AAMP: variants seen among roughly 807,000 people sequenced by gnomAD.
AAMP encodes angio associated migratory cell protein.
AAMP carries 12 observed loss-of-function variants against 51.1 expected under a neutral mutation model. The ratio of observed to expected loss-of-function variants is 0.23; its 90% CI spans 0.15 to 0.38. AAMP has a LOEUF of 0.38. Among genes scored for constraint, AAMP ranks in the 10% least tolerant of loss-of-function variants. The pLI is 1.00. For synonymous variants in AAMP, 210 were observed against 218.7 expected, an observed-to-expected ratio of 0.96 and a Z score of 0.35; for missense variants, 418 against 557.2, an observed-to-expected ratio of 0.75 and a Z score of 2.52.
chr2:218,269,700 C>A, intron 1 of AAMP, 166 bp from the exon 2 acceptor site: 9 of 1,234,250 alleles, frequency 7.3e-6, no homozygotes, highest in Non-Finnish European at 1.0e-5. Flanking sequence ...CGGGAGGCCA[C>A]GGCTGGCCAG....
Position 218,266,795 on chromosome 2 carries a change from C to T in AAMP, c.534+52G>A, listed in dbSNP as rs1324983094. 1 of 1,607,252 alleles carries T rather than the reference C, an allele frequency of 6.2e-7. No homozygotes were observed. Among genetic ancestry groups the T allele is most frequent in the Admixed American group, 1.7e-5 (1 of 59,772 alleles). ...GCAGAACTGGCCTCCCAAGCTTGCACCCCCAACAACCCAAGGCCCCACAGA... is the reference window on the plus strand; with the variant it reads ...GCAGAACTGGCCTCCCAAGCTTGCATCCCCAACAACCCAAGGCCCCACAGA... On this transcript the variant is annotated intron_variant, in intron 4 of 10. Transcript: ENST00000248450. This position sits in a 1 kb window ranked among gnomAD's most constrained non-coding sequence, Gnocchi z 4.7.
chr2:218,269,778 A>C (rs1574613530), intron 1 of AAMP, 188 bp downstream of exon 1: 1 of 1,018,892 alleles, frequency 9.8e-7, no homozygotes, highest in East Asian at 2.6e-5. Context: ...GGGCCAGAGG[A>C]GGCGTCAGGG....
Position 218,266,566 on chromosome 2 carries a change from C to T in AAMP, c.556G>A (p.Ala186Thr), listed in dbSNP as rs1690634134. 1 of 1,613,398 alleles carries T rather than the reference C, an allele frequency of 6.2e-7. No homozygotes were observed. Among genetic ancestry groups the T allele is most frequent in the African/African-American group, 1.3e-5 (1 of 75,022 alleles). The change falls in exon 5 of 11, where the codon GCA (alanine) becomes ACA (threonine). Residue 186 changes from alanine (A) to threonine (T), a missense_variant. By Grantham distance (58) the Ala-to-Thr change is moderately conservative. Transcript: ENST00000248450. The surrounding 1 kb of genome is among the most constrained non-coding windows in gnomAD (Gnocchi z 4.7). ...DLEWMEWHPR[A>T]PVLLAGTADG... Reference sequence around the variant, plus strand: ...GCTGTGCCCGCCAACAGGACAGGTGCCCGAGGATGCCACTCCATCCACTGG... The same window carrying T: ...GCTGTGCCCGCCAACAGGACAGGTGTCCGAGGATGCCACTCCATCCACTGG...
In AAMP at chr2:218,265,642, G is replaced by C; in HGVS notation, c.920C>G (p.Pro307Arg). Residue 307 changes from proline (P) to arginine (R), a missense_variant, in exon 8 of 11, where the codon CCC becomes CGC. By Grantham distance (103) the Pro-to-Arg change is moderately radical (BLOSUM62 -2). Coordinates refer to ENST00000248450, the MANE Select transcript of AAMP (RefSeq NM_001087.5). The surrounding 1 kb of genome is among the most constrained non-coding windows in gnomAD (Gnocchi z 6.6). Reference protein sequence around the residue: ...VFRPETVASQPSLGEGEESES... With the variant: ...VFRPETVASQRSLGEGEESES... ...ACTCTCCTCCCCTTCTCCCAGGCTG[G>C]GCTGGGAGGCCACAGTCTCAGGTCT... The C allele has an allele frequency of 1.2e-6, 2 of 1,613,724 alleles. No individual in the cohort carries two copies. Among genetic ancestry groups the C allele is most frequent in the Middle Eastern group, 3.3e-4 (2 of 6,062 alleles).
chr2:218,268,349 A>AT (rs1690684525), intron 2 of AAMP, among the ~76,000 whole-genome samples: 1 of 147,052 alleles, frequency 6.8e-6, no homozygotes, highest in Non-Finnish European at 1.5e-5. Context: ...ATTTTATTTT[A>AT]TTTTTTTGAG....
chr2:218,269,999 C>G lies in AAMP; in HGVS notation c.88G>C (p.Val30Leu). Reference protein sequence around the residue: ...SFHGDEEIIEVVELDPGPPDP... With the variant: ...SFHGDEEIIELVELDPGPPDP... ...GGCGGACCGGGATCAAGTTCTACCA[C>G]CTCGATAATCTCTTCATCACCATGG... Residue 30 changes from valine (V) to leucine (L), a missense_variant, in exon 1 of 11, where the codon GTG (valine) becomes CTG (leucine). Val to Leu is a conservative substitution (Grantham distance 32, BLOSUM62 1). Coordinates refer to ENST00000248450, the MANE Select transcript of AAMP (RefSeq NM_001087.5). The G allele has an allele frequency of 6.2e-7, 1 of 1,614,148 alleles. No homozygotes were observed. Among genetic ancestry groups the G allele is most frequent in the Non-Finnish European group, 8.5e-7 (1 of 1,180,020 alleles).
At chr2:218,269,690 C>T in intron 1 of AAMP, 156 bp from the exon 2 acceptor site, 6 of 1,280,560 alleles carry the variant, frequency 4.7e-6, no homozygotes, top group Non-Finnish European at 6.6e-6. Flanking sequence ...GGACACAGGA[C>T]GGGAGGCCAC....
At chr2:218,269,053 G>A (rs1329566696) in intron 2 of AAMP, among the ~76,000 whole-genome samples, 2 of 152,100 alleles carry the variant, frequency 1.3e-5, no homozygotes, top group African/African-American at 2.4e-5. Flanking sequence ...GGCTGGTCTC[G>A]AACTCCTGAC....
chr2:218,268,128 C>A (rs1269219784), intron 2 of AAMP, among the ~76,000 whole-genome samples: 1 of 151,770 alleles, frequency 6.6e-6, no homozygotes, highest in Non-Finnish European at 1.5e-5. Flanking sequence ...GCCACCACAA[C>A]CAGCTAATTT....
At position 218,266,907 on chromosome 2, in the gene AAMP, C is replaced by T. The variant is rs77958847; in HGVS notation, c.474G>A (p.Leu158=). Residue 158 remains leucine, a synonymous_variant, in exon 4 of 11, where the codon TTG becomes TTA. Coordinates refer to ENST00000248450, the MANE Select transcript of AAMP (RefSeq NM_001087.5). The surrounding 1 kb of genome is among the most constrained non-coding windows in gnomAD (Gnocchi z 4.7). The stretch of plus-strand genomic sequence containing the variant: ...CCTTAGTGTCCACCTGCCACACTTT[C>T]AAGAGGCCACTCATGTCCCCTGTGG... ...LVATGDMSGL[L]KVWQVDTKEE... 1 of 1,614,210 alleles carries T rather than the reference C, an allele frequency of 6.2e-7. No individual in the cohort carries two copies. Among genetic ancestry groups the T allele is most frequent in the East Asian group, 2.2e-5 (1 of 44,892 alleles).
In AAMP at chr2:218,265,488, C is replaced by T. The variant is rs200298259; in HGVS notation, c.984-27G>A. On this transcript the variant is annotated intron_variant, in intron 8 of 10. Transcript: ENST00000248450. The surrounding 1 kb of genome is among the most constrained non-coding windows in gnomAD (Gnocchi z 6.6). The stretch of plus-strand genomic sequence containing the variant: ...TGGCCAGAGGAGCGTACCATGAAGA[C>T]TCATGAGGGCCTGGACTCACACGCC... 1.7e-4 allele frequency: 261 copies of T among 1,574,118 alleles called. No homozygotes were observed. In the African/African-American group the frequency reaches 3.1e-3, roughly 19 times the overall value.
Position 218,267,400 on chromosome 2 carries a change from A to C in AAMP, c.394+94T>G. ...AGCTGGCACAAAAGAGATGTCACTA[A>C]GTGGCTGTTGGATGCACAACCTCTG... On this transcript the variant is annotated intron_variant, in intron 3 of 10. Transcript: ENST00000248450. This position sits in a 1 kb window ranked among gnomAD's most constrained non-coding sequence, Gnocchi z 4.6. 6.5e-7 allele frequency: 1 copy of C among 1,545,734 alleles called. No homozygotes were observed. The highest frequency in any genetic ancestry group is 8.8e-7 in the Non-Finnish European group (1 of 1,132,132).
Position 218,266,212 on chromosome 2 carries a change from G to C in AAMP, c.680-65C>G, listed in dbSNP as rs1690624440. On this transcript the variant is annotated intron_variant, in intron 5 of 10. Transcript: ENST00000248450. The surrounding 1 kb of genome is among the most constrained non-coding windows in gnomAD (Gnocchi z 4.7). ...CTCACATACACTAAGCAAGGGAATG[G>C]GGAGAGGGAGAGGAAAGAAGAGTGG... 1 of 1,468,768 alleles carries C rather than the reference G, an allele frequency of 6.8e-7. No individual in the cohort carries two copies. Among genetic ancestry groups the C allele is most frequent in the South Asian group, 1.1e-5 (1 of 87,154 alleles). 91.0% of individuals were successfully genotyped at this position (1,468,768 alleles called of 1,614,324 possible). A position where few individuals can be genotyped will look rare whatever the true frequency, so the allele number is the denominator to read the frequency against.
intron 2 of AAMP, 51 bp downstream of exon 2, chr2:218,269,331 G>A (rs1342955361): frequency 6.2e-7 from 1 of 1,608,302 alleles, no homozygotes; most frequent in African/African-American, 1.3e-5. Context: ...GATGTTTAAT[G>A]CTTACACGCC....
chr2:218,266,280 G>T lies in AAMP; in HGVS notation c.680-133C>A. ...CCCAGGAATCACAGGTGAGTTCAGA[G>T]CAGGAAGGAGGCGCTGTGAACTTTG... is the stretch of plus-strand genomic sequence containing the variant. On this transcript the variant is annotated intron_variant, in intron 5 of 10. Transcript: ENST00000248450. This position sits in a 1 kb window ranked among gnomAD's most constrained non-coding sequence, Gnocchi z 4.7. 1.5e-6 allele frequency: 2 copies of T among 1,305,768 alleles called. No homozygotes were observed. The highest frequency in any genetic ancestry group is 2.2e-6 in the Non-Finnish European group (2 of 927,780). The allele number at this position is 1,305,768 out of a possible 1,614,324, so 80.9% of individuals were successfully genotyped here.
chr2:218,267,932 C>T lies in AAMP; in HGVS notation c.275-319G>A, dbSNP rs1471254114. Among the ~76,000 whole-genome samples, 1 of 152,136 alleles carries T rather than the reference C, an allele frequency of 6.6e-6. No homozygotes were observed. Among genetic ancestry groups the T allele is most frequent in the African/African-American group, 2.4e-5 (1 of 41,436 alleles). On this transcript the variant is annotated intron_variant, in intron 2 of 10. Coordinates refer to ENST00000248450, the MANE Select transcript of AAMP (RefSeq NM_001087.5). This position sits in a 1 kb window ranked among gnomAD's most constrained non-coding sequence, Gnocchi z 4.6. ...CATGGGATGCCACCGGGGTTGGGTA[C>T]AGAGCGAGGAGAGCATCACGTTAAG...
chr2:218,266,107 C>A lies in AAMP; in HGVS notation c.720G>T (p.Arg240Ser), dbSNP rs1416943173. ...AVVGYEDGTI[R>S]IWDLKQGSPI... ...GGCTTCCCTGCTTCAGGTCCCAAAT[C>A]CTGATGGTCCCATCTTCATAGCCTA... The change falls in exon 6 of 11, where the codon AGG becomes AGT. Residue 240 changes from arginine (R) to serine (S), a missense_variant. Coordinates refer to ENST00000248450, the MANE Select transcript of AAMP (RefSeq NM_001087.5). The surrounding 1 kb of genome is among the most constrained non-coding windows in gnomAD (Gnocchi z 4.7). 6.2e-7 allele frequency: 1 copy of A among 1,614,178 alleles called. No homozygotes were observed. Among genetic ancestry groups the A allele is most frequent in the South Asian group, 1.1e-5 (1 of 91,088 alleles).
intron 2 of AAMP, among the ~76,000 whole-genome samples, chr2:218,268,275 T>C (rs918456694): frequency 2.7e-5 from 4 of 149,812 alleles, no homozygotes; most frequent in Admixed American, 6.7e-5. Context: ...CAACAGTTTC[T>C]TACTAAGAAC....
In AAMP at chr2:218,265,978, C is replaced by T. The variant is rs760559212; in HGVS notation, c.764-32G>A. 3.7e-6 allele frequency: 6 copies of T among 1,608,988 alleles called. No individual in the cohort carries two copies. Among genetic ancestry groups the T allele is most frequent in the East Asian group, 2.2e-5 (1 of 44,818 alleles). On this transcript the variant is annotated intron_variant, in intron 6 of 10. Transcript: ENST00000248450. This position sits in a 1 kb window ranked among gnomAD's most constrained non-coding sequence, Gnocchi z 6.6. ...TAGAGCAGGGAGGCAGCTCAGGCTTCGTCCTACCTCCCCTCTGAGTCCTGC... is the reference window on the plus strand; with the variant it reads ...TAGAGCAGGGAGGCAGCTCAGGCTTTGTCCTACCTCCCCTCTGAGTCCTGC...
Sources: allele counts gnomAD v4.1 joint callset (sites outside exome capture counted in the v4.1 genomes callset), GRCh38; gene constraint gnomAD v4.1.1; non-coding constraint Gnocchi (gnomAD v3.1); transcripts MANE v1.5; gene names NCBI Gene and HGNC (gene_info 2026-07-23, HGNC 2026-07-21).